BANP: variants seen among roughly 807,000 people sequenced by gnomAD.
BANP encodes protein BANP.
Under a neutral mutation model 68.1 loss-of-function variants are expected in BANP, and 11 were observed. The observed-to-expected ratio is 0.16, with a 90% CI of 0.10 to 0.27. The LOEUF is 0.27. Ranked by LOEUF, BANP falls within the 10% of genes least tolerant of loss-of-function variation. The pLI, the probability that BANP is intolerant of heterozygous loss-of-function variation, is 1.00. For synonymous variants in BANP, 329 were observed against 303.2 expected, an observed-to-expected ratio of 1.09 and a Z score of -0.88; for missense variants, 504 against 722.7, an observed-to-expected ratio of 0.70 and a Z score of 3.47.
intron 1 of BANP, among the ~76,000 whole-genome samples, chr16:87,965,214 C>G (rs932663184): frequency 9.2e-5 from 14 of 152,154 alleles, no homozygotes; most frequent in African/African-American, 2.9e-4. Flanking sequence ...GAATGAGCCC[C>G]ATCAGGCCCT....
chr16:87,952,878 G>A (rs2057254030), intron 1 of BANP: 1 of 152,102 alleles, frequency 6.6e-6, no homozygotes. Flanking sequence ...TGGCTCAAGT[G>A]ATCCTCCCAC....
chr16:88,052,747 A>T (rs551126905), intron 11 of BANP, among the ~76,000 whole-genome samples: 1 of 151,426 alleles, frequency 6.6e-6, no homozygotes, highest in East Asian at 1.9e-4. Flanking sequence ...CACTACCACC[A>T]CCACCTTTAC....
chr16:88,043,118 C>G (rs9927732), intron 11 of BANP, among the ~76,000 whole-genome samples: 108,992 of 152,012 alleles, frequency 0.72, 39,787 homozygotes, highest in Non-Finnish European at 0.8. Context: ...GTGTGTGGAC[C>G]TGTGCTGCCC....
rs2061546192 is a variant in BANP, at chr16:87,973,768, A to AAAAAAAAAAAGAAAG, written c.-68-1274_-68-1273insAAAAGAAAGAAAAAA. On this transcript the variant is annotated intron_variant, in intron 1 of 13. Coordinates refer to ENST00000682872, the MANE Select transcript of BANP (RefSeq NM_001386991.1). The stretch of plus-strand genomic sequence containing the variant: ...AACTCCATCACAAAAAAAAAAAAAA[A>AAAAAAAAAAAGAAAG]AAAAAAGAAAAAAGAAAAAAATTCT... 5.7e-5 allele frequency among the ~76,000 whole-genome samples: 6 copies of AAAAAAAAAAAGAAAG among 104,928 alleles called. No homozygotes were observed. The East Asian group carries it at 7.3e-4, about 13-fold the overall frequency. The allele number at this position is 104,928 out of a possible 152,430, so 68.8% of individuals were successfully genotyped here.
intron 4 of BANP, among the ~76,000 whole-genome samples, chr16:87,986,340 G>A (rs917480320): frequency 6.6e-6 from 1 of 152,180 alleles, no homozygotes; most frequent in African/African-American, 2.4e-5. Flanking sequence ...GACAAAATTG[G>A]TCGTTAGATT....
Position 88,018,883 on chromosome 16 carries a change from C to G in BANP, c.895+216C>G, listed in dbSNP as rs991962855. Among the ~76,000 whole-genome samples, 5 of 152,210 alleles carry G rather than the reference C, an allele frequency of 3.3e-5. No individual in the cohort carries two copies. Among genetic ancestry groups the G allele is most frequent in the African/African-American group, 9.6e-5 (4 of 41,454 alleles). On this transcript the variant is annotated intron_variant, in intron 7 of 13. Transcript: ENST00000682872. This position sits in a 1 kb window ranked among gnomAD's most constrained non-coding sequence, Gnocchi z 7.7. ...GCACGGCATGCCCGCACCAAAATACCTCATATACCCCATCATATATATACC... is the reference window on the plus strand; with the variant it reads ...GCACGGCATGCCCGCACCAAAATACGTCATATACCCCATCATATATATACC...
chr16:88,043,831 A>C (rs186861638), intron 11 of BANP, among the ~76,000 whole-genome samples: 43 of 152,352 alleles, frequency 2.8e-4, no homozygotes, highest in African/African-American at 1.0e-3. Flanking sequence ...GTTAGTGGTA[A>C]GGATAATAGA....
intron 11 of BANP, among the ~76,000 whole-genome samples, chr16:88,041,238 G>A (rs532667171): frequency 9.3e-4 from 141 of 152,354 alleles, no homozygotes; most frequent in Non-Finnish European, 1.7e-3. Flanking sequence ...TTAGTTCCAC[G>A]GAGGGAGGGT....
chr16:87,987,056 C>A (rs1362135590), intron 4 of BANP, among the ~76,000 whole-genome samples: 1 of 151,980 alleles, frequency 6.6e-6, no homozygotes, highest in African/African-American at 2.4e-5. Context: ...TAAAATATAT[C>A]CTATTCAGAA....
At chr16:87,997,088 G>A (rs1170139727) in intron 4 of BANP, among the ~76,000 whole-genome samples, 1 of 152,172 alleles carries the variant, frequency 6.6e-6, no homozygotes, top group Non-Finnish European at 1.5e-5. Context: ...CACTTTATAA[G>A]CTCAGCGTAG....
chr16:87,976,370 G>GT (rs1283036311), intron 2 of BANP, among the ~76,000 whole-genome samples: 6 of 150,854 alleles, frequency 4.0e-5, no homozygotes, highest in African/African-American at 9.8e-5. Context: ...AATCATAACT[G>GT]TTTGTTTGTT....
chr16:88,066,078 G>T (rs575824144), intron 12 of BANP, among the ~76,000 whole-genome samples: 2 of 152,338 alleles, frequency 1.3e-5, no homozygotes, highest in Non-Finnish European at 2.9e-5. Context: ...GGCAGGTGCA[G>T]GGCGAGCTGT....
chr16:88,055,973 C>T (rs1387587827), intron 11 of BANP, among the ~76,000 whole-genome samples: 1 of 152,016 alleles, frequency 6.6e-6, no homozygotes, highest in Non-Finnish European at 1.5e-5. Context: ...TGACTAGTCC[C>T]AAGAAACCCC....
chr16:87,988,953 C>G (rs1468922322), intron 4 of BANP, among the ~76,000 whole-genome samples: 1 of 152,204 alleles, frequency 6.6e-6, no homozygotes, highest in East Asian at 1.9e-4. Flanking sequence ...ACTGACTGGT[C>G]TGTACTATCA....
intron 1 of BANP, among the ~76,000 whole-genome samples, chr16:87,964,198 T>G (rs991697935): frequency 7.9e-5 from 12 of 152,360 alleles, no homozygotes; most frequent in African/African-American, 2.6e-4. Flanking sequence ...CATTCATCAT[T>G]GTGCATTGGG....
At chr16:87,981,807 G>A (rs1480318815) in intron 3 of BANP, among the ~76,000 whole-genome samples, 1 of 152,228 alleles carries the variant, frequency 6.6e-6, no homozygotes, top group Non-Finnish European at 1.5e-5. Context: ...AAGTCACTTA[G>A]ATTCTAAAGT....
At chr16:88,035,087 C>T (rs1267635783) in intron 9 of BANP, 8 of 521,996 alleles carry the variant, frequency 1.5e-5, no homozygotes, top group Middle Eastern at 5.3e-4. Context: ...CAGTTTCTGG[C>T]GTCCACGTGG....
In BANP at chr16:88,064,030, C is replaced by T. The variant is rs548154055; in HGVS notation, c.1312-1237C>T. On this transcript the variant is annotated intron_variant, in intron 11 of 13. Coordinates refer to ENST00000682872, the MANE Select transcript of BANP (RefSeq NM_001386991.1). The surrounding 1 kb of genome is among the most constrained non-coding windows in gnomAD (Gnocchi z 4.5). ...ACTTAAGATTCGAAGAAAGAGGTAC[C>T]GGGGCTTTTGTGGGGAACAAAGGCA... Among the ~76,000 whole-genome samples, 1 of 152,222 alleles carries T rather than the reference C, an allele frequency of 6.6e-6. No homozygotes were observed. The highest frequency in any genetic ancestry group is 6.5e-5 in the Admixed American group (1 of 15,290).
chr16:88,052,122 TTTG>T (rs2083395221), intron 11 of BANP, among the ~76,000 whole-genome samples: 1 of 152,206 alleles, frequency 6.6e-6, no homozygotes, highest in Non-Finnish European at 1.5e-5. Context: ...TGCTGGTGTA[TTTG>T]TTGTTCTAAT....
Sources: gnomAD v4.1 joint callset for allele counts (sites outside exome capture counted in the v4.1 genomes callset) on GRCh38, gnomAD v4.1.1 for gene constraint, Gnocchi (gnomAD v3.1) non-coding constraint, MANE v1.5 for transcripts, NCBI Gene and HGNC (gene_info 2026-07-23, HGNC 2026-07-21) for gene names.